VRK2: variants seen among roughly 807,000 people sequenced by gnomAD.
The protein encoded by VRK2 is VRK serine/threonine kinase 2, also known as serine/threonine-protein kinase VRK2.
In VRK2, 60 loss-of-function variants were observed where a neutral mutation model predicts 57.6. That is an observed-to-expected ratio of 1.04 (90% CI 0.85 to 1.29). The LOEUF is 1.29. VRK2 is among the 50% of genes most tolerant of loss of function. VRK2 has a pLI of 0.00. For synonymous variants in VRK2, 231 were observed against 199.2 expected, an observed-to-expected ratio of 1.16 and a Z score of -1.35; for missense variants, 705 against 588.1, an observed-to-expected ratio of 1.20 and a Z score of -2.06.
At chr2:58,030,731 G>A (rs758273498) in intron 2 of VRK2, among the ~76,000 whole-genome samples, 8 of 152,054 alleles carry the variant, frequency 5.3e-5, no homozygotes, top group Non-Finnish European at 8.8e-5. Context: ...AGTTGCTTGT[G>A]ATTACAAGCA....
At position 58,070,468 on chromosome 2, in the gene VRK2, C is replaced by T. The variant is rs184467472; in HGVS notation, c.137-13621C>T. On this transcript the variant is annotated intron_variant, in intron 2 of 12. Coordinates refer to ENST00000340157, the MANE Select transcript of VRK2 (RefSeq NM_006296.7). ...TTGCCTTGTGCTACACCTGTTTATTCGTCTTCCTCCCTGCCCCTAAACCTC... is the reference window on the plus strand; with the variant it reads ...TTGCCTTGTGCTACACCTGTTTATTTGTCTTCCTCCCTGCCCCTAAACCTC... Among the ~76,000 whole-genome samples, 359 of 152,166 alleles carry T rather than the reference C, an allele frequency of 2.4e-3. 1 individual carries two copies. The highest frequency in any genetic ancestry group is 3.9e-3 in the Non-Finnish European group (265 of 68,002).
intron 1 of VRK2, among the ~76,000 whole-genome samples, chr2:57,936,520 TTTG>T (rs1670911714): frequency 6.8e-6 from 1 of 146,094 alleles, no homozygotes; most frequent in African/African-American, 2.7e-5. Context: ...TTTGTTTTGT[TTTG>T]TTTTTTTGTT....
rs372766262 is a variant in VRK2 at position 58,115,092 on chromosome 2, G to A, written c.544-8009G>A. ...CGATGGAAAGGAAATGAGAGGTTCT[G>A]AGAGGCGGGCTAGTGGCTCGTACTA... On this transcript the variant is annotated intron_variant, in intron 7 of 12. Transcript: ENST00000340157. Among the ~76,000 whole-genome samples the A allele has an allele frequency of 3.9e-4, 59 of 152,236 alleles. No homozygotes were observed. The South Asian group carries it at 9.5e-3, about 25-fold the overall frequency.
chr2:58,100,504 A>G (rs907186165), intron 7 of VRK2, among the ~76,000 whole-genome samples: 1 of 151,864 alleles, frequency 6.6e-6, no homozygotes, highest in Non-Finnish European at 1.5e-5. Flanking sequence ...ATAGATTAAC[A>G]TGCATGTTAT....
intron 1 of VRK2, among the ~76,000 whole-genome samples, chr2:58,009,521 G>T (rs540749350): frequency 3.4e-5 from 5 of 149,098 alleles, no homozygotes; most frequent in Non-Finnish European, 7.4e-5. Context: ...ACAATTGACA[G>T]ATCTAGTATG....
At chr2:58,147,762 A>G (rs1012812882) in intron 12 of VRK2, among the ~76,000 whole-genome samples, 3 of 148,560 alleles carry the variant, frequency 2.0e-5, no homozygotes, top group Non-Finnish European at 4.5e-5. Flanking sequence ...GCAGTCATAT[A>G]GTATGCATTC....
chr2:58,097,182 C>A (rs1673264586), intron 7 of VRK2, among the ~76,000 whole-genome samples: 1 of 152,018 alleles, frequency 6.6e-6, no homozygotes, highest in African/African-American at 2.4e-5. Flanking sequence ...ACCTTATTCA[C>A]TGTATTGTTT....
chr2:57,923,843 T>C (rs1312647914), intron 1 of VRK2, among the ~76,000 whole-genome samples: 9 of 152,024 alleles, frequency 5.9e-5, no homozygotes, highest in Admixed American at 4.6e-4. Context: ...TTCCCTTTAG[T>C]AGTTTCAGTT....
At chr2:58,089,230 C>T (rs1672039676) in intron 6 of VRK2, among the ~76,000 whole-genome samples, 2 of 152,128 alleles carry the variant, frequency 1.3e-5, no homozygotes, top group South Asian at 4.1e-4. Context: ...TTCTGAGATT[C>T]TCAAGGCTTG....
chr2:57,954,214 C>A (rs910147396), intron 1 of VRK2, among the ~76,000 whole-genome samples: 1 of 152,060 alleles, frequency 6.6e-6, no homozygotes, highest in Non-Finnish European at 1.5e-5. Flanking sequence ...AAATATTATG[C>A]AATACTTATT....
Position 58,089,694 on chromosome 2 carries a change from C to G in VRK2, c.514C>G (p.Leu172Val), listed in dbSNP as rs1437146452. 1.2e-6 allele frequency: 2 copies of G among 1,608,984 alleles called. No individual in the cohort carries two copies. The highest frequency in any genetic ancestry group is 1.7e-6 in the Non-Finnish European group (2 of 1,176,686). ...TCATGGTGATATAAAAGCAGCAAAT[C>G]TACTTTTGGGTTACAAAAATCCAGA... The part of the protein sequence containing the change: ...YVHGDIKAAN[L>V]LLGYKNPDQV... The change falls in exon 7 of 13, where the codon CTA becomes GTA. Residue 172 changes from leucine to valine, a missense_variant. By Grantham distance (32) the Leu-to-Val change is conservative. Coordinates refer to ENST00000340157, the MANE Select transcript of VRK2 (RefSeq NM_006296.7).
intron 7 of VRK2, among the ~76,000 whole-genome samples, chr2:58,109,713 T>C (rs1336334138): frequency 6.6e-6 from 1 of 152,186 alleles, no homozygotes; most frequent in Non-Finnish European, 1.5e-5. Context: ...GGTCCTTCCC[T>C]CAACACATGG....
At chr2:58,112,481 G>C (rs1176059664) in intron 7 of VRK2, among the ~76,000 whole-genome samples, 1 of 151,678 alleles carries the variant, frequency 6.6e-6, no homozygotes, top group Non-Finnish European at 1.5e-5. Context: ...AGAACTCTCA[G>C]TGTGACCTAA....
At chr2:58,024,965 G>A (rs1277809150) in intron 1 of VRK2, among the ~76,000 whole-genome samples, 1 of 152,136 alleles carries the variant, frequency 6.6e-6, no homozygotes, top group African/African-American at 2.4e-5. Context: ...TTTACACATG[G>A]GGGTTAATTT....
chr2:57,990,185 A>T (rs1040790416), intron 1 of VRK2, among the ~76,000 whole-genome samples: 9 of 152,214 alleles, frequency 5.9e-5, no homozygotes, highest in African/African-American at 1.9e-4. Flanking sequence ...AAGACTCTCA[A>T]CATGTGAGAA....
intron 1 of VRK2, among the ~76,000 whole-genome samples, chr2:57,973,920 T>C (rs957329700): frequency 6.6e-5 from 10 of 151,792 alleles, no homozygotes; most frequent in Admixed American, 6.6e-4. Context: ...TGAGGGCTTA[T>C]ATGAGGGAGA....
At chr2:58,129,830 A>T (rs1008283344) in intron 8 of VRK2, among the ~76,000 whole-genome samples, 2 of 152,138 alleles carry the variant, frequency 1.3e-5, no homozygotes, top group African/African-American at 4.8e-5. Flanking sequence ...AAGGGTGACT[A>T]TTGGGTGTTC....
At chr2:58,068,782 A>G (rs1211013260) in intron 2 of VRK2, among the ~76,000 whole-genome samples, 1 of 145,678 alleles carries the variant, frequency 6.9e-6, no homozygotes. Context: ...TTCTTATGTC[A>G]TCTCCCTAAT....
At chr2:57,984,186 G>A (rs959920556) in intron 1 of VRK2, among the ~76,000 whole-genome samples, 1 of 152,050 alleles carries the variant, frequency 6.6e-6, no homozygotes, top group Non-Finnish European at 1.5e-5. Context: ...TTAATTTTTA[G>A]AGCCTTATAT....
Sources: gnomAD v4.1 joint callset for allele counts (sites outside exome capture counted in the v4.1 genomes callset) on GRCh38, gnomAD v4.1.1 for gene constraint, MANE v1.5 for transcripts, NCBI Gene and HGNC (gene_info 2026-07-23, HGNC 2026-07-21) for gene names.